ERICH1: variants seen among roughly 807,000 people sequenced by gnomAD.
ERICH1 encodes the protein glutamate-rich protein 1.
In ERICH1, 56 loss-of-function variants were observed where a neutral mutation model predicts 39.6. The observed-to-expected ratio is 1.41, with a 90% confidence interval of 1.14 to 1.77. The LOEUF (loss-of-function observed/expected upper bound fraction) is 1.77. Among genes scored for constraint, ERICH1 ranks in the 40% most tolerant of loss-of-function variants. The pLI is 0.00. For synonymous variants in ERICH1, 313 were observed against 223.6 expected, an observed-to-expected ratio of 1.40 and a Z score of -3.57; for missense variants, 826 against 575.4, an observed-to-expected ratio of 1.44 and a Z score of -4.45.
At chr8:720,377 C>G (rs1310434129) in intron 1 of ERICH1, among the ~76,000 whole-genome samples, 2 of 152,222 alleles carry the variant, frequency 1.3e-5, no homozygotes, top group African/African-American at 4.8e-5. Flanking sequence ...GCGCCAGTGT[C>G]AGCCACAGAC....
intron 2 of ERICH1, among the ~76,000 whole-genome samples, chr8:700,000 G>C (rs534109541): frequency 0.024 from 1,558 of 64,812 alleles, 1 homozygote; most frequent in Non-Finnish European, 0.037. Flanking sequence ...GACCCTCACA[G>C]GCGCACAGAC....
chr8:630,504 CACAG>C (rs1443279877), intron 3 of ERICH1, among the ~76,000 whole-genome samples: 25 of 123,426 alleles, frequency 2.0e-4, no homozygotes, highest in African/African-American at 7.1e-4. Context: ...TGACCACCCA[CACAG>C]ACAGAGCTGA....
intron 3 of ERICH1, among the ~76,000 whole-genome samples, chr8:677,725 T>C (rs1293648011): frequency 6.6e-6 from 1 of 152,196 alleles, no homozygotes; most frequent in Non-Finnish European, 1.5e-5. Context: ...TAGGTGTCTA[T>C]TAAAAAATGT....
At chr8:617,965 C>A (rs970469149) in intron 3 of ERICH1, among the ~76,000 whole-genome samples, 2 of 145,882 alleles carry the variant, frequency 1.4e-5, no homozygotes, top group African/African-American at 5.2e-5. Flanking sequence ...CCTCTGAGTG[C>A]TGGGTGCTCA....
intron 3 of ERICH1, among the ~76,000 whole-genome samples, chr8:683,450 C>T (rs1806588491): frequency 6.6e-6 from 1 of 152,180 alleles, no homozygotes; most frequent in Non-Finnish European, 1.5e-5. Flanking sequence ...TGCCTGAACA[C>T]CCTCGGAATA....
At chr8:668,438 C>T (rs1802618644) in intron 5 of ERICH1, 160 bp downstream of exon 5, 15 of 666,314 alleles carry the variant, frequency 2.3e-5, no homozygotes, top group Middle Eastern at 4.9e-4. Context: ...AGCAGAGATG[C>T]AGGAAGCCTG....
chr8:698,222 TC>T (rs780218628), intron 2 of ERICH1, among the ~76,000 whole-genome samples: 22,768 of 82,182 alleles, frequency 0.28, 1,850 homozygotes, highest in Middle Eastern at 0.38. Flanking sequence ...ATATTCCTTT[TC>T]TTTTTTTTTT....
At chr8:667,190 C>G (rs1270498667) in intron 5 of ERICH1, 2 of 152,826 alleles carry the variant, frequency 1.3e-5, no homozygotes, top group Non-Finnish European at 2.9e-5. Context: ...GTCCTGTCAC[C>G]TTTCCCCCTT....
intron 1 of ERICH1, among the ~76,000 whole-genome samples, chr8:726,283 C>CACAGAG (rs1818627487): frequency 1.3e-5 from 2 of 152,184 alleles, no homozygotes; most frequent in Non-Finnish European, 2.9e-5. Flanking sequence ...CACAAGGACA[C>CACAGAG]ACACAGACAC....
chr8:641,721 C>T (rs996325612), intron 3 of ERICH1, among the ~76,000 whole-genome samples: 3 of 152,170 alleles, frequency 2.0e-5, no homozygotes, highest in Non-Finnish European at 2.9e-5. Context: ...GAGGACCCCT[C>T]CCCCTCCCCG....
chr8:703,987 A>G (rs1712247623), intron 2 of ERICH1, among the ~76,000 whole-genome samples: 1 of 152,210 alleles, frequency 6.6e-6, no homozygotes, highest in Non-Finnish European at 1.5e-5. Context: ...CCAGAAGCAG[A>G]ACCTCAAACT....
intron 1 of ERICH1, among the ~76,000 whole-genome samples, chr8:720,930 A>G (rs73521193): frequency 0.034 from 5,231 of 152,274 alleles, 305 homozygotes; most frequent in African/African-American, 0.12. Flanking sequence ...AGAAAAGACG[A>G]GCACGTCCCG....
chr8:686,197 G>A (rs1441043837), intron 3 of ERICH1, among the ~76,000 whole-genome samples: 1 of 151,856 alleles, frequency 6.6e-6, no homozygotes, highest in African/African-American at 2.4e-5. Flanking sequence ...TTTTTTCTCA[G>A]ATACTCTTTA....
At chr8:691,598 G>A (rs1341368708) in intron 3 of ERICH1, among the ~76,000 whole-genome samples, 3 of 152,256 alleles carry the variant, frequency 2.0e-5, no homozygotes, top group Admixed American at 6.5e-5. Flanking sequence ...ACATTTTCTA[G>A]TTAAATAATC....
At chr8:726,136 C>G (rs529517990) in intron 1 of ERICH1, among the ~76,000 whole-genome samples, 89 of 152,304 alleles carry the variant, frequency 5.8e-4, no homozygotes, top group African/African-American at 2.0e-3. Context: ...ACCAGACCAA[C>G]GCCATGCTGT....
intron 4 of ERICH1, chr8:669,018 G>A (rs1802748213): frequency 3.7e-6 from 2 of 540,178 alleles, no homozygotes; most frequent in Admixed American, 3.5e-5. Context: ...TCTGTCTGGT[G>A]AGACGCCTCC....
intron 3 of ERICH1, among the ~76,000 whole-genome samples, chr8:631,522 T>C (rs954422504): frequency 2.0e-5 from 3 of 152,080 alleles, no homozygotes; most frequent in African/African-American, 2.4e-5. Context: ...TGGTGACGGA[T>C]TGGGCGAGAA....
In ERICH1 at chr8:631,663, A is replaced by G. The variant is rs140175964; in HGVS notation, c.977-16379T>C. Among the ~76,000 whole-genome samples the G allele has an allele frequency of 5.3e-5, 8 of 152,202 alleles. No individual in the cohort carries two copies. In the East Asian group the frequency reaches 1.5e-3, roughly 29 times the overall value. ...TCGTGGTAAAATATACACAACATAA[A>G]ATTTACCACCAGAGCCCTTTTTCAG... On this transcript the variant is annotated intron_variant, in intron 3 of 3. Transcript: ENST00000522706.
intron 2 of ERICH1, among the ~76,000 whole-genome samples, chr8:708,681 G>GTTTTTTTTTTTTTTTTTTTTTTTTTTTT (rs139731216): frequency 9.1e-5 from 6 of 65,804 alleles, no homozygotes; most frequent in Non-Finnish European, 1.5e-4. Flanking sequence ...GGGATAATGA[G>GTTTTTTTTTTTTTTTTTTTTTTTTTTTT]TTTTTTTTTT....
Sources: allele counts gnomAD v4.1 joint callset (sites outside exome capture counted in the v4.1 genomes callset), GRCh38; gene constraint gnomAD v4.1.1; transcripts MANE v1.5; gene names NCBI Gene and HGNC (gene_info 2026-07-23, HGNC 2026-07-21).